The following SIPA1L2 variants were observed in gnomAD, a reference collection of about 807,000 sequenced individuals.
The protein encoded by SIPA1L2 is signal-induced proliferation-associated 1-like protein 2.
SIPA1L2 carries 56 observed loss-of-function variants against 163.9 expected under a neutral mutation model. The observed-to-expected ratio is 0.34, with a 90% CI of 0.28 to 0.43. The LOEUF (loss-of-function observed/expected upper bound fraction) is 0.43, where lower values mean the gene tolerates loss of function less well. SIPA1L2 is among the 20% of genes least tolerant of loss of function. The probability of loss-of-function intolerance (pLI) is 1.00; values close to 1 mark genes in which losing one functional copy is unlikely to be tolerated. For missense variants in SIPA1L2, 1,974 were observed against 2,193.5 expected, an observed-to-expected ratio of 0.90 and a Z score of 2.00; for synonymous variants, 877 against 865.7, an observed-to-expected ratio of 1.01 and a Z score of -0.23.
chr1:232,446,004 C>A (rs996550330), intron 10 of SIPA1L2, among the ~76,000 whole-genome samples: 1 of 152,194 alleles, frequency 6.6e-6, no homozygotes, highest in African/African-American at 2.4e-5. Context: ...ATGACTGCGT[C>A]TAGAAATGAG....
chr1:232,555,085 G>A (rs1482046511), intron 2 of SIPA1L2, among the ~76,000 whole-genome samples: 2 of 152,154 alleles, frequency 1.3e-5, no homozygotes, highest in Non-Finnish European at 2.9e-5. Flanking sequence ...ATACAAACAT[G>A]TGAAAAACTT....
At chr1:232,555,246 C>T (rs1658633617) in intron 2 of SIPA1L2, among the ~76,000 whole-genome samples, 1 of 152,208 alleles carries the variant, frequency 6.6e-6, no homozygotes, top group African/African-American at 2.4e-5. Flanking sequence ...TCAGACTCAA[C>T]AATTCACCTC....
At chr1:232,520,648 A>G (rs1360631984) in intron 2 of SIPA1L2, among the ~76,000 whole-genome samples, 1 of 152,210 alleles carries the variant, frequency 6.6e-6, no homozygotes, top group African/African-American at 2.4e-5. Flanking sequence ...TTAAAATTAT[A>G]TAGCAGATTT....
chr1:232,462,267 T>C, intron 9 of SIPA1L2: 2 of 1,550,624 alleles, frequency 1.3e-6, no homozygotes, highest in Non-Finnish European at 1.7e-6. Flanking sequence ...ACCTCACCTA[T>C]CTGTGGGAAT....
intron 2 of SIPA1L2, among the ~76,000 whole-genome samples, chr1:232,525,807 C>T (rs1042716315): frequency 5.9e-5 from 9 of 152,110 alleles, no homozygotes; most frequent in African/African-American, 1.7e-4. Context: ...CACATAAGTA[C>T]TCCAGAAGAT....
At position 232,435,813 on chromosome 1, in the gene SIPA1L2, A is replaced by G. The variant is rs573919874; in HGVS notation, c.4031+3295T>C. ...GCTAGATATATGCTTGTTCTGCTTA[A>G]TAGATGATTCCTGTTCCCCTACCCT... is the stretch of plus-strand genomic sequence containing the variant. On this transcript the variant is annotated intron_variant, in intron 15 of 22. Transcript: ENST00000674635. 1.4e-4 allele frequency among the ~76,000 whole-genome samples: 21 copies of G among 152,366 alleles called. No homozygotes were observed. The South Asian group carries it at 4.3e-3, about 32-fold the overall frequency.
At chr1:232,556,511 A>G (rs965748842) in intron 2 of SIPA1L2, among the ~76,000 whole-genome samples, 1 of 152,226 alleles carries the variant, frequency 6.6e-6, no homozygotes, top group African/African-American at 2.4e-5. Flanking sequence ...AAATCCACGC[A>G]ATTCAAAAGG....
Position 232,465,198 on chromosome 1 carries a change from G to A in SIPA1L2, c.2462C>T (p.Thr821Ile). The change falls in exon 9 of 23, where the codon ACC (threonine) becomes ATC (isoleucine). Residue 821 changes from threonine (T) to isoleucine (I), a missense_variant. Coordinates refer to ENST00000674635, the MANE Select transcript of SIPA1L2 (RefSeq NM_020808.5). This position sits in a 1 kb window ranked among gnomAD's most constrained non-coding sequence, Gnocchi z 4.1. ...DLAENFVTTATVDTSVKFSFI... is the reference protein window; with the variant it reads ...DLAENFVTTAIVDTSVKFSFI... ...GCTGAACTTCACAGAGGTATCCACG[G>A]TGGCGGTTGTGACAAAGTTCTCCGC... The A allele has an allele frequency of 6.2e-7, 1 of 1,614,194 alleles. No individual in the cohort carries two copies. Among genetic ancestry groups the A allele is most frequent in the Non-Finnish European group, 8.5e-7 (1 of 1,180,026 alleles).
At chr1:232,506,876 G>A (rs966964287) in intron 3 of SIPA1L2, among the ~76,000 whole-genome samples, 1 of 151,514 alleles carries the variant, frequency 6.6e-6, no homozygotes, top group Non-Finnish European at 1.5e-5. Flanking sequence ...GAGCACTTAT[G>A]ACTTACATTT....
chr1:232,434,565 T>A (rs1237889572), intron 15 of SIPA1L2, among the ~76,000 whole-genome samples: 1 of 152,004 alleles, frequency 6.6e-6, no homozygotes, highest in Non-Finnish European at 1.5e-5. Flanking sequence ...ATGACCAAGG[T>A]GACCTGAGGA....
intron 20 of SIPA1L2, among the ~76,000 whole-genome samples, chr1:232,403,800 G>C (rs551234506): frequency 6.6e-6 from 1 of 152,192 alleles, no homozygotes; most frequent in South Asian, 2.1e-4. Flanking sequence ...GCACATCACA[G>C]CCATGGGGAC....
chr1:232,424,758 C>T (rs1033362778), intron 18 of SIPA1L2, among the ~76,000 whole-genome samples: 1 of 152,074 alleles, frequency 6.6e-6, no homozygotes, highest in Non-Finnish European at 1.5e-5. Context: ...ACTTTGATTT[C>T]ATTTAGCCTG....
intron 9 of SIPA1L2, chr1:232,462,158 A>C: frequency 7.1e-7 from 1 of 1,409,848 alleles, no homozygotes; most frequent in East Asian, 2.5e-5. Flanking sequence ...TTGGTACATT[A>C]AAGCACCACT....
At chr1:232,603,661 T>G (rs1661731579) in intron 1 of SIPA1L2, among the ~76,000 whole-genome samples, 1 of 151,546 alleles carries the variant, frequency 6.6e-6, no homozygotes, top group Admixed American at 6.6e-5. Flanking sequence ...GGTTCAGAGG[T>G]GTGGGAGAGC....
chr1:232,536,089 T>C (rs761922309), intron 2 of SIPA1L2, among the ~76,000 whole-genome samples: 3 of 152,132 alleles, frequency 2.0e-5, no homozygotes, highest in Non-Finnish European at 2.9e-5. Context: ...TGAGAAGAGA[T>C]TTGGCTGCTA....
intron 2 of SIPA1L2, among the ~76,000 whole-genome samples, chr1:232,518,531 C>A (rs1667312175): frequency 6.6e-6 from 1 of 152,140 alleles, no homozygotes; most frequent in African/African-American, 2.4e-5. Flanking sequence ...CTACGCCCTG[C>A]CCCAGACATA....
intron 19 of SIPA1L2, among the ~76,000 whole-genome samples, chr1:232,405,876 T>C (rs1660603503): frequency 6.6e-6 from 1 of 152,196 alleles, no homozygotes; most frequent in Non-Finnish European, 1.5e-5. Flanking sequence ...TGTTTTTACC[T>C]TAATTGATAA....
At chr1:232,518,921 T>C (rs576141251) in intron 2 of SIPA1L2, among the ~76,000 whole-genome samples, 2 of 152,342 alleles carry the variant, frequency 1.3e-5, no homozygotes, top group African/African-American at 4.8e-5. Flanking sequence ...TTAGAAAATA[T>C]TTAAATGAAA....
chr1:232,411,809 G>C (rs903720772), intron 19 of SIPA1L2, among the ~76,000 whole-genome samples: 2 of 152,062 alleles, frequency 1.3e-5, no homozygotes, highest in Admixed American at 6.5e-5. Flanking sequence ...AATTGCTCTT[G>C]TCATATTCAT....
Sources: gnomAD v4.1 joint callset for allele counts (sites outside exome capture counted in the v4.1 genomes callset) on GRCh38, gnomAD v4.1.1 for gene constraint, Gnocchi (gnomAD v3.1) non-coding constraint, MANE v1.5 for transcripts, NCBI Gene and HGNC (gene_info 2026-07-23, HGNC 2026-07-21) for gene names.